The following PNPLA8 variants were observed in gnomAD, a reference collection of about 807,000 sequenced individuals.
PNPLA8 encodes the protein patatin like domain 8, phospholipase A2, also known as calcium-independent phospholipase A2-gamma.
A neutral mutation model predicts 76.9 loss-of-function variants in PNPLA8; 39 were observed. That is an observed-to-expected ratio of 0.51 (90% CI 0.39 to 0.66). The LOEUF is 0.66. Ranked by LOEUF, PNPLA8 falls within the 30% of genes least tolerant of loss-of-function variation. The pLI is 0.00. For missense variants in PNPLA8, 887 were observed against 918.0 expected (o/e 0.97, Z 0.44); for synonymous variants, 301 against 307.9 (o/e 0.98, Z 0.24).
In PNPLA8 at chr7:108,515,462, A is replaced by G. The variant is rs1863269609; in HGVS notation, c.30T>C (p.Tyr10=). ...TTCTTGCATTACTAAGGAGGTAAAT[A>G]TATATATCTACAGTCAGATTAATAG... MSINLTVDI[Y]IYLLSNARSV... Residue 10 remains tyrosine, a synonymous_variant, in exon 3 of 11, where the codon TAT becomes TAC. Transcript: ENST00000257694. 1.3e-6 allele frequency: 2 copies of G among 1,555,904 alleles called. No individual in the cohort carries two copies.
chr7:108,471,568 G>A lies in PNPLA8; in HGVS notation c.*833C>T, dbSNP rs1281467361. The A allele has an allele frequency of 6.6e-6, 1 of 151,966 alleles. No individual in the cohort carries two copies. The highest frequency in any genetic ancestry group is 2.4e-5 in the African/African-American group (1 of 41,366). 9.4% of individuals were successfully genotyped at this position (151,966 alleles called of 1,614,324 possible). A position where few individuals can be genotyped will look rare whatever the true frequency, so the allele number is the denominator to read the frequency against. Reference sequence around the variant, plus strand: ...TGCCAGGTGTATTCAAAGGCTAAAGGGGAGCTACATTATGAACAAAAATTA... The same window carrying A: ...TGCCAGGTGTATTCAAAGGCTAAAGAGGAGCTACATTATGAACAAAAATTA... On this transcript the variant is annotated 3_prime_UTR_variant, in exon 11 of 11. Transcript: ENST00000257694.
In PNPLA8 at chr7:108,515,307, C is replaced by A; in HGVS notation, c.185G>T (p.Ser62Ile). 4.3e-6 allele frequency: 7 copies of A among 1,611,998 alleles called. No homozygotes were observed. The highest frequency in any genetic ancestry group is 5.9e-6 in the Non-Finnish European group (7 of 1,179,310). ...GTGCTTACTGCAAGAATGTGCTTCA[C>A]TTTTGGTCCATTTACATCTTATTAT... ...TNIIRCKWTK[S>I]EAHSCSKHCY... Residue 62 changes from serine to isoleucine, a missense_variant, in exon 3 of 11, where the codon AGT becomes ATT. Ser to Ile is a moderately radical substitution (Grantham distance 142). Coordinates refer to ENST00000257694, the MANE Select transcript of PNPLA8 (RefSeq NM_001256007.3).
chr7:108,499,868 C>A (rs1244848965), intron 5 of PNPLA8, among the ~76,000 whole-genome samples: 1 of 152,150 alleles, frequency 6.6e-6, no homozygotes, highest in Non-Finnish European at 1.5e-5. Flanking sequence ...TTTCATCATG[C>A]TTGTCTGACC....
intron 1 of PNPLA8, among the ~76,000 whole-genome samples, chr7:108,524,771 C>T (rs923214253): frequency 6.6e-6 from 1 of 152,168 alleles, no homozygotes; most frequent in South Asian, 2.1e-4. Context: ...CGCACCAAGG[C>T]ACTCCAGCCT....
At chr7:108,517,629 C>G (rs147463498) in intron 2 of PNPLA8, among the ~76,000 whole-genome samples, 1 of 152,136 alleles carries the variant, frequency 6.6e-6, no homozygotes, top group African/African-American at 2.4e-5. Flanking sequence ...ATAAAAAGAC[C>G]GTGAGAAACC....
chr7:108,515,892 T>C (rs945910318), intron 2 of PNPLA8, among the ~76,000 whole-genome samples: 10 of 152,246 alleles, frequency 6.6e-5, no homozygotes, highest in South Asian at 2.1e-4. Flanking sequence ...TGCTTTTTTT[T>C]CCCTTCCTCA....
rs140757897 is a variant in PNPLA8 at position 108,483,061 on chromosome 7, T to C, written c.1879-3682A>G. 4.0e-3 allele frequency among the ~76,000 whole-genome samples: 615 copies of C among 152,360 alleles called. 2 individuals carry two copies. The highest frequency in any genetic ancestry group is 0.01 in the Admixed American group (153 of 15,292). On this transcript the variant is annotated intron_variant, in intron 9 of 10. Coordinates refer to ENST00000257694, the MANE Select transcript of PNPLA8 (RefSeq NM_001256007.3). ...TGGTAGTATTTTGCAAACCACAGAT[T>C]ATGATAACTCTTCATTTCTGGCATT...
chr7:108,493,527 C>T (rs1378075844), intron 7 of PNPLA8, among the ~76,000 whole-genome samples: 1 of 150,706 alleles, frequency 6.6e-6, no homozygotes, highest in African/African-American at 2.4e-5. Flanking sequence ...GCCTCAGCCT[C>T]CCCAGTAGCT....
chr7:108,506,064 A>G (rs1216653133), intron 4 of PNPLA8, among the ~76,000 whole-genome samples: 1 of 152,160 alleles, frequency 6.6e-6, no homozygotes, highest in Non-Finnish European at 1.5e-5. Context: ...TTAACACCCA[A>G]CAAAACTGCT....
At chr7:108,483,560 T>G (rs1444599236) in intron 9 of PNPLA8, among the ~76,000 whole-genome samples, 1 of 152,254 alleles carries the variant, frequency 6.6e-6, no homozygotes, top group African/African-American at 2.4e-5. Context: ...GTGAGATTCA[T>G]CTATGTCTCT....
At chr7:108,478,975 T>G (rs3815252) in intron 10 of PNPLA8, among the ~76,000 whole-genome samples, 97,388 of 152,066 alleles carry the variant, frequency 0.64, 31,625 homozygotes, top group African/African-American at 0.75. Flanking sequence ...GGTAGCACTA[T>G]CTCTCAAATG....
At position 108,491,461 on chromosome 7, in the gene PNPLA8, C is replaced by A. The variant is rs755740137; in HGVS notation, c.1632G>T (p.Arg544Ser). The A allele has an allele frequency of 4.4e-5, 71 of 1,597,048 alleles. No homozygotes were observed. The highest frequency in any genetic ancestry group is 6.1e-5 in the Non-Finnish European group (71 of 1,164,792). The change falls in exon 8 of 11, where the codon AGG (arginine) becomes AGT (serine). Residue 544 changes from arginine to serine, a missense_variant. Coordinates refer to ENST00000257694, the MANE Select transcript of PNPLA8 (RefSeq NM_001256007.3). ...TTTCAATCATCAGTGCAGATCCCAT[C>A]CTATCCCTTTATTAAAGGAGAAAAA... The part of the protein sequence containing the change: ...SQTWENILKD[R>S]MGSALMIETA...
intron 4 of PNPLA8, chr7:108,510,192 A>C (rs1225741120): frequency 1.1e-6 from 1 of 888,554 alleles, no homozygotes; most frequent in Admixed American, 2.9e-5. Flanking sequence ...AAAAAAAAAA[A>C]GAAAGAAAAC....
chr7:108,516,927 C>T (rs984484769), intron 2 of PNPLA8, among the ~76,000 whole-genome samples: 2 of 145,806 alleles, frequency 1.4e-5, no homozygotes, highest in African/African-American at 5.0e-5. Context: ...AAAAAAAAAA[C>T]CAACCTTCTG....
rs898197106 is a variant in PNPLA8 at position 108,498,359 on chromosome 7, G to A, written c.1359-782C>T. The stretch of plus-strand genomic sequence containing the variant: ...GGCTCACTGCAACCTCCGCCTCCTG[G>A]GTTCATGCCATTCTCCTGCCTCAGC... On this transcript the variant is annotated intron_variant, in intron 5 of 10. Transcript: ENST00000257694. Among the ~76,000 whole-genome samples, 17 of 151,852 alleles carry A rather than the reference G, an allele frequency of 1.1e-4. No homozygotes were observed. In the Middle Eastern group the frequency reaches 0.014, roughly 122 times the overall value.
Position 108,514,534 on chromosome 7 carries a change from G to A in PNPLA8, c.958C>T (p.Gln320Ter), listed in dbSNP as rs774214037. 6.2e-7 allele frequency: 1 copy of A among 1,613,684 alleles called. No individual in the cohort carries two copies. Among genetic ancestry groups the A allele is most frequent in the Non-Finnish European group, 8.5e-7 (1 of 1,179,622 alleles). ...VPKLKYDSKS[Q>*]SEEQEEPAKT... The stretch of plus-strand genomic sequence containing the variant: ...GCAGGCTCTTCCTGTTCTTCTGACT[G>A]ACTCTTTGAATCATACTTTAATTTG... The change falls in exon 3 of 11, where the codon CAG (glutamine) becomes TAG (stop). Residue 320 changes from glutamine to a stop codon, truncating the protein, a stop_gained. Coordinates refer to ENST00000257694, the MANE Select transcript of PNPLA8 (RefSeq NM_001256007.3). LOFTEE classifies it high-confidence loss of function.
intron 4 of PNPLA8, among the ~76,000 whole-genome samples, chr7:108,513,518 A>G (rs912809646): frequency 2.6e-5 from 4 of 152,082 alleles, no homozygotes; most frequent in African/African-American, 9.7e-5. Flanking sequence ...TATCATTATG[A>G]TATTTTCAAA....
chr7:108,476,978 T>C (rs1279315697), intron 10 of PNPLA8, among the ~76,000 whole-genome samples: 3 of 152,128 alleles, frequency 2.0e-5, no homozygotes, highest in Non-Finnish European at 4.4e-5. Flanking sequence ...TGCCAGACAC[T>C]GGGGAGTAGG....
chr7:108,499,028 T>C (rs772816759), intron 5 of PNPLA8, among the ~76,000 whole-genome samples: 26 of 152,178 alleles, frequency 1.7e-4, no homozygotes, highest in Non-Finnish European at 3.5e-4. Flanking sequence ...ACAAATAATG[T>C]GCATTTGAGG....
Sources: gnomAD v4.1 joint callset for allele counts (sites outside exome capture counted in the v4.1 genomes callset) on GRCh38, gnomAD v4.1.1 for gene constraint, MANE v1.5 for transcripts, NCBI Gene and HGNC (gene_info 2026-07-23, HGNC 2026-07-21) for gene names.